The following DYM variants were observed in gnomAD, a reference collection of about 807,000 sequenced individuals.
The protein encoded by DYM is dyggve-Melchior-Clausen syndrome protein.
A neutral mutation model predicts 93.1 loss-of-function variants in DYM; 78 were observed. The ratio of observed to expected loss-of-function variants is 0.84; its 90% CI spans 0.70 to 1.01. The LOEUF is 1.01. DYM is among the 50% of genes least tolerant of loss of function. The pLI is 0.00. For synonymous variants in DYM, 321 were observed against 319.7 expected (o/e 1.00, Z -0.04); for missense variants, 789 against 845.0 (o/e 0.93, Z 0.82).
chr18:49,409,255 G>T, intron 2 of DYM, among the ~76,000 whole-genome samples: 1 of 145,044 alleles, frequency 6.9e-6, no homozygotes, highest in Admixed American at 7.0e-5. Flanking sequence ...CTGCACTCTA[G>T]TCTGGGTGAC....
chr18:49,308,976 C>T (rs145238506), intron 8 of DYM, among the ~76,000 whole-genome samples: 202 of 152,300 alleles, frequency 1.3e-3, no homozygotes, highest in African/African-American at 4.7e-3. Flanking sequence ...ATTAAAATTA[C>T]ATTCATGAAG....
intron 5 of DYM, among the ~76,000 whole-genome samples, chr18:49,365,918 G>C (rs1568324202): frequency 1.3e-5 from 2 of 152,054 alleles, no homozygotes; most frequent in Non-Finnish European, 2.9e-5. Context: ...TTACAGTTGG[G>C]TCAATTAAGG....
intron 15 of DYM, among the ~76,000 whole-genome samples, chr18:49,158,847 C>T (rs749294994): frequency 6.6e-6 from 1 of 152,042 alleles, no homozygotes; most frequent in Non-Finnish European, 1.5e-5. Flanking sequence ...AATAGCACAA[C>T]AGGGTGATTA....
intron 9 of DYM, among the ~76,000 whole-genome samples, chr18:49,282,484 G>C (rs943941630): frequency 1.3e-5 from 2 of 152,078 alleles, no homozygotes; most frequent in African/African-American, 4.8e-5. Flanking sequence ...ATGGTGGCGT[G>C]GGCCTGTAAT....
At chr18:49,219,801 T>C (rs886076950) in intron 13 of DYM, among the ~76,000 whole-genome samples, 76 of 151,862 alleles carry the variant, frequency 5.0e-4, no homozygotes, top group African/African-American at 1.7e-3. Context: ...GCCAATATCA[T>C]ACTGAATGGG....
At chr18:49,234,531 G>A (rs1018615533) in intron 13 of DYM, among the ~76,000 whole-genome samples, 1 of 152,098 alleles carries the variant, frequency 6.6e-6, no homozygotes, top group African/African-American at 2.4e-5. Flanking sequence ...CTTGAACTAA[G>A]ATGCTTCCTG....
At chr18:49,446,946 C>A (rs1270104159) in intron 1 of DYM, among the ~76,000 whole-genome samples, 1 of 151,944 alleles carries the variant, frequency 6.6e-6, no homozygotes, top group South Asian at 2.1e-4. Flanking sequence ...GTAATCCCAG[C>A]TACTTGGGAG....
chr18:49,318,787 ATTTCTT>A (rs1444928946), intron 8 of DYM, among the ~76,000 whole-genome samples: 1 of 140,288 alleles, frequency 7.1e-6, no homozygotes, highest in Non-Finnish European at 1.5e-5. Context: ...AGGTAACATT[ATTTCTT>A]TTTCTTTTTT....
intron 6 of DYM, among the ~76,000 whole-genome samples, chr18:49,340,591 G>A (rs1008946267): frequency 6.6e-6 from 1 of 152,190 alleles, no homozygotes; most frequent in Non-Finnish European, 1.5e-5. Flanking sequence ...GCTAAAGAAT[G>A]TGACACATAG....
chr18:49,080,992 C>G (rs562854526), intron 17 of DYM, among the ~76,000 whole-genome samples: 1 of 149,872 alleles, frequency 6.7e-6, no homozygotes, highest in Non-Finnish European at 1.5e-5. Flanking sequence ...GGATGGCGGC[C>G]GGGCAGAGAC....
At chr18:49,346,842 T>A (rs2064645636) in intron 6 of DYM, among the ~76,000 whole-genome samples, 1 of 152,154 alleles carries the variant, frequency 6.6e-6, no homozygotes, top group Non-Finnish European at 1.5e-5. Context: ...CTTTGACTAA[T>A]AATGGAGTTA....
At chr18:49,171,110 C>T (rs1054806256) in intron 14 of DYM, among the ~76,000 whole-genome samples, 40 of 151,994 alleles carry the variant, frequency 2.6e-4, no homozygotes, top group Non-Finnish European at 4.6e-4. Context: ...GAGGAGGAGG[C>T]GGAAGCTGGA....
chr18:49,452,675 C>T (rs1294551705), intron 1 of DYM, among the ~76,000 whole-genome samples: 1 of 76,982 alleles, frequency 1.3e-5, no homozygotes, highest in Non-Finnish European at 2.8e-5. Context: ...CTGAGCCTCC[C>T]TGACGAGCGC....
At chr18:49,159,463 G>A (rs1206202331) in intron 15 of DYM, among the ~76,000 whole-genome samples, 1 of 152,228 alleles carries the variant, frequency 6.6e-6, no homozygotes, top group Non-Finnish European at 1.5e-5. Context: ...AGGTCAGCCA[G>A]TGATATAGTC....
At chr18:49,126,065 C>A (rs1224310321) in intron 15 of DYM, 1 of 152,190 alleles carries the variant, frequency 6.6e-6, no homozygotes, top group African/African-American at 2.4e-5. Context: ...CATTAAGATA[C>A]ATAAGTATTT....
At chr18:49,068,129 G>A (rs2076614579) in intron 17 of DYM, among the ~76,000 whole-genome samples, 2 of 152,218 alleles carry the variant, frequency 1.3e-5, no homozygotes, top group African/African-American at 4.8e-5. Flanking sequence ...TGCTTTGAGA[G>A]GGGACTGTGG....
chr18:49,316,137 C>G (rs965061562), intron 8 of DYM, among the ~76,000 whole-genome samples: 3 of 152,072 alleles, frequency 2.0e-5, no homozygotes, highest in African/African-American at 7.2e-5. Context: ...CTAAAATTAG[C>G]CGGGCGTGGC....
intron 1 of DYM, among the ~76,000 whole-genome samples, chr18:49,460,037 G>A (rs75077262): frequency 0.092 from 13,978 of 152,136 alleles, 876 homozygotes; most frequent in East Asian, 0.31. Context: ...TGATATGTTA[G>A]TTATACCTCG....
In DYM at chr18:49,331,854, T is replaced by C; in HGVS notation, c.763+10A>G. On this transcript the variant is annotated intron_variant, in intron 8 of 17. Transcript: ENST00000675505. The stretch of plus-strand genomic sequence containing the variant: ...GCACCAAAGAATTGAAAAAATCTGA[T>C]AAAACTTACTTGCTACTCCTGATGC... The C allele has an allele frequency of 6.2e-7, 1 of 1,613,994 alleles. No homozygotes were observed. The highest frequency in any genetic ancestry group is 8.5e-7 in the Non-Finnish European group (1 of 1,179,932).
Sources: gnomAD v4.1 joint callset for allele counts (sites outside exome capture counted in the v4.1 genomes callset) on GRCh38, gnomAD v4.1.1 for gene constraint, MANE v1.5 for transcripts, NCBI Gene and HGNC (gene_info 2026-07-23, HGNC 2026-07-21) for gene names.